ZNF888: variants seen among roughly 807,000 people sequenced by gnomAD.
ZNF888 encodes the protein CTD-2331H12.6.
ZNF888 carries 5 observed loss-of-function variants against 7.2 expected under a neutral mutation model. That is an observed-to-expected ratio of 0.70 (90% CI 0.36 to 1.46). The LOEUF (loss-of-function observed/expected upper bound fraction) is 1.46, where lower values mean the gene tolerates loss of function less well. Ranked by LOEUF, ZNF888 falls within the 40% of genes most tolerant of loss-of-function variation. ZNF888 has a pLI of 0.03. For missense variants in ZNF888, 716 were observed against 858.0 expected (o/e 0.83, Z 2.07); for synonymous variants, 240 against 284.3 (o/e 0.84, Z 1.57).
chr19:52,922,243 A>G (rs1023196917), intron 1 of ZNF888, among the ~76,000 whole-genome samples: 6 of 111,554 alleles, frequency 5.4e-5, no homozygotes, highest in Non-Finnish European at 9.1e-5. Context: ...CTCAATGTCC[A>G]TAGATTTCCA....
At position 52,906,363 on chromosome 19, in the gene ZNF888, CTGA is replaced by C. The variant is rs1474959676; in HGVS notation, c.1956_1958del (p.His652del). On this transcript the variant is annotated inframe_deletion, in exon 5 of 5. Transcript: ENST00000638862. The stretch of plus-strand genomic sequence containing the variant: ...ATGGTTTCTCTCCAGTGTGAACTCT[CTGA>C]TGTTGTGCAAGGTATGAATCACGCC... 3.7e-6 allele frequency: 6 copies of C among 1,613,064 alleles called. No individual in the cohort carries two copies. In the East Asian group the frequency reaches 1.3e-4, roughly 36 times the overall value.
At position 52,906,420 on chromosome 19, in the gene ZNF888, G is replaced by A. The variant is rs2064608413; in HGVS notation, c.1902C>T (p.Tyr634=). The change falls in exon 5 of 5, where the codon TAC becomes TAT. Residue 634 remains tyrosine (Y), a synonymous_variant. Transcript: ENST00000638862. ...HRRVHTGEKP[Y]KCRVCDKAFG... is the part of the protein sequence containing the mutation. ...AAGCCTTGTCGCAAACCCTACATTTGTATGGTTTCTCTCCAGTATGAACTC... is the reference window on the plus strand; with the variant it reads ...AAGCCTTGTCGCAAACCCTACATTTATATGGTTTCTCTCCAGTATGAACTC... 6 of 1,612,928 alleles carry A rather than the reference G, an allele frequency of 3.7e-6. No individual in the cohort carries two copies. The South Asian group carries it at 5.5e-5, about 15-fold the overall frequency.
rs145623595 is a variant in ZNF888 at position 52,906,965 on chromosome 19, G to C, written c.1357C>G (p.Leu453Val). The C allele has an allele frequency of 1.3e-3, 2,170 of 1,613,220 alleles. 2 individuals carry two copies. Among genetic ancestry groups the C allele is most frequent in the Non-Finnish European group, 1.6e-3 (1,946 of 1,179,546 alleles). ...CGKVFNQQSN[L>V]ARHHRLHTGE... The stretch of plus-strand genomic sequence containing the variant: ...GTATGAAGTCTATGATGACGTGCAA[G>C]GTTTGATTGTTGATTGAAAACCTTG... The change falls in exon 5 of 5, where the codon CTT becomes GTT. Residue 453 changes from leucine (L) to valine (V), a missense_variant. Leu to Val is a conservative substitution (Grantham distance 32). Around this residue, in one of 2 missense-constraint regions of ZNF888, gnomAD observed 697 missense variants for 803.4 expected, o/e 0.87. Transcript: ENST00000638862.
In ZNF888 at chr19:52,915,328, A is replaced by G. The variant is rs2064732486; in HGVS notation, c.16-6T>C. Reference sequence around the variant, plus strand: ...TCCCTGAATGTCAATAGACCCTGAAATGAAAACACATTTTAACCAAATGGT... The same window carrying G: ...TCCCTGAATGTCAATAGACCCTGAAGTGAAAACACATTTTAACCAAATGGT... On this transcript the variant is annotated splice_region_variant and splice_polypyrimidine_tract_variant and intron_variant, in intron 3 of 4. Coordinates refer to ENST00000638862, the MANE Select transcript of ZNF888 (RefSeq NM_001393938.1). 1 of 1,612,984 alleles carries G rather than the reference A, an allele frequency of 6.2e-7. No homozygotes were observed. Among genetic ancestry groups the G allele is most frequent in the African/African-American group, 1.3e-5 (1 of 74,906 alleles).
At chr19:52,917,447 A>C (rs186068072) in intron 3 of ZNF888, 4 of 483,312 alleles carry the variant, frequency 8.3e-6, no homozygotes, top group East Asian at 3.5e-5. Context: ...ATTTCCTCTT[A>C]TCGGTCTTTT....
Position 52,905,808 on chromosome 19 carries a change from A to C in ZNF888, c.*357T>G. ...TCTGCAAGGAGTGATCTCAGACTGA[A>C]GACCTTGCCACACTGATGACATTTG... On this transcript the variant is annotated 3_prime_UTR_variant, in exon 5 of 5. Coordinates refer to ENST00000638862, the MANE Select transcript of ZNF888 (RefSeq NM_001393938.1). 2 of 678,194 alleles carry C rather than the reference A, an allele frequency of 2.9e-6. No homozygotes were observed. The highest frequency in any genetic ancestry group is 2.8e-6 in the Non-Finnish European group (1 of 362,648). 42.0% of individuals were successfully genotyped at this position (678,194 alleles called of 1,614,324 possible).
At position 52,917,670 on chromosome 19, in the gene ZNF888, T is replaced by C. The variant is rs2037091290; in HGVS notation, c.15+189A>G. Among the ~76,000 whole-genome samples the C allele has an allele frequency of 2.6e-5, 4 of 152,078 alleles. No individual in the cohort carries two copies. In the South Asian group the frequency reaches 8.3e-4, roughly 32 times the overall value. On this transcript the variant is annotated intron_variant, in intron 3 of 4. Coordinates refer to ENST00000638862, the MANE Select transcript of ZNF888 (RefSeq NM_001393938.1). ...GGACCATGCCTACTGCAACCTCTTC[T>C]CATGTTCATGTCATTGGGTCACGAG...
At chr19:52,911,051 G>T (rs935463044) in intron 4 of ZNF888, among the ~76,000 whole-genome samples, 1 of 152,040 alleles carries the variant, frequency 6.6e-6, no homozygotes, top group African/African-American at 2.4e-5. Flanking sequence ...GCTAATTTTT[G>T]TACTTTTAGT....
intron 4 of ZNF888, among the ~76,000 whole-genome samples, chr19:52,909,144 CA>C (rs10636278): frequency 2.0e-4 from 29 of 142,996 alleles, no homozygotes; most frequent in East Asian, 2.0e-3. Flanking sequence ...GACTCCATCT[CA>C]AAAAAAAAAG....
rs190855517 is a variant in ZNF888, at chr19:52,917,974, G to T, written c.-58-43C>A. 1.6e-4 allele frequency: 248 copies of T among 1,593,448 alleles called. No homozygotes were observed. In the East Asian group the frequency reaches 5.0e-3, roughly 32 times the overall value. ...GAATGTTAGAAATATGTTGTTTATTGCTCAGAGTCAACATACCCCCTCCCT... is the reference window on the plus strand; with the variant it reads ...GAATGTTAGAAATATGTTGTTTATTTCTCAGAGTCAACATACCCCCTCCCT... On this transcript the variant is annotated intron_variant, in intron 2 of 4. Coordinates refer to ENST00000638862, the MANE Select transcript of ZNF888 (RefSeq NM_001393938.1).
intron 4 of ZNF888, among the ~76,000 whole-genome samples, chr19:52,908,464 A>C (rs532190982): frequency 6.6e-6 from 1 of 152,360 alleles, no homozygotes; most frequent in Admixed American, 6.5e-5. Flanking sequence ...TGTGACCTTA[A>C]AGTGTGTCAC....
At chr19:52,916,503 TAC>T (rs1242991338) in intron 3 of ZNF888, among the ~76,000 whole-genome samples, 10 of 151,416 alleles carry the variant, frequency 6.6e-5, no homozygotes, top group African/African-American at 2.4e-4. Context: ...TATGTGTATG[TAC>T]ATGTGTGTGT....
intron 3 of ZNF888, among the ~76,000 whole-genome samples, chr19:52,916,619 T>TACATATAC (rs1320149827): frequency 1.0e-4 from 2 of 19,450 alleles, no homozygotes; most frequent in African/African-American, 1.7e-4. Context: ...CATATACATA[T>TACATATAC]ATATATATAT....
At chr19:52,920,532 G>GAAAAAA (rs1568423875) in intron 1 of ZNF888, among the ~76,000 whole-genome samples, 1 of 16,474 alleles carries the variant, frequency 6.1e-5, no homozygotes, top group African/African-American at 2.5e-4. Context: ...AAAAAGAAAA[G>GAAAAAA]GAAAAAAAAA....
At position 52,906,706 on chromosome 19, in the gene ZNF888, A is replaced by G. The variant is rs1600674589; in HGVS notation, c.1616T>C (p.Met539Thr). 2 of 1,607,516 alleles carry G rather than the reference A, an allele frequency of 1.2e-6. No individual in the cohort carries two copies. The highest frequency in any genetic ancestry group is 1.7e-4 in the Middle Eastern group (1 of 6,042). Reference protein sequence around the residue: ...KTFVQNSSLVMHKVIHTGEKR... With the variant: ...KTFVQNSSLVTHKVIHTGEKR... The stretch of plus-strand genomic sequence containing the variant: ...CTCTCCAGTATGAATGACCTTATGC[A>G]TTACAAGAGATGAATTTTGAACGAA... The change falls in exon 5 of 5, where the codon ATG becomes ACG. Residue 539 changes from methionine (M) to threonine (T), a missense_variant. Physicochemically the swap from Met to Thr is moderately conservative, Grantham distance 81. This residue lies in a region of ZNF888 where 697 missense variants were observed against 803.4 expected (regional missense o/e 0.87). Transcript: ENST00000638862.
chr19:52,913,924 G>C (rs1288181268), intron 4 of ZNF888, among the ~76,000 whole-genome samples: 2 of 152,122 alleles, frequency 1.3e-5, no homozygotes, highest in African/African-American at 4.8e-5. Context: ...TAAGGAGTTT[G>C]AGACCAGCCT....
At chr19:52,917,611 G>A (rs1382639739) in intron 3 of ZNF888, among the ~76,000 whole-genome samples, 1 of 151,952 alleles carries the variant, frequency 6.6e-6, no homozygotes, top group Non-Finnish European at 1.5e-5. Context: ...CCCTCACCCC[G>A]TCTCCATCCA....
intron 4 of ZNF888, chr19:52,914,430 C>T: frequency 1.2e-6 from 1 of 854,528 alleles, no homozygotes; most frequent in Non-Finnish European, 1.4e-6. Context: ...AAGAAAGGAC[C>T]ATGAAGTGCT....
At chr19:52,913,850 G>C in intron 4 of ZNF888, 1 of 637,854 alleles carries the variant, frequency 1.6e-6, no homozygotes, top group Non-Finnish European at 1.9e-6. Context: ...TAACGGTTGG[G>C]CATGGTGGCT....
Sources: allele counts gnomAD v4.1 joint callset (sites outside exome capture counted in the v4.1 genomes callset), GRCh38; gene constraint gnomAD v4.1.1; regional missense constraint gnomAD v4.1.1; transcripts MANE v1.5; gene names NCBI Gene and HGNC (gene_info 2026-07-23, HGNC 2026-07-21).